Variants in ZFAT observed in about 807,000 individuals in gnomAD.
The protein encoded by ZFAT is zinc finger protein ZFAT.
A neutral mutation model predicts 117.7 loss-of-function variants in ZFAT; 64 were observed. The observed-to-expected ratio is 0.54, with a 90% confidence interval of 0.44 to 0.67. ZFAT has a LOEUF of 0.67. Among genes scored for constraint, ZFAT ranks in the 30% least tolerant of loss-of-function variants. The pLI, the probability that ZFAT is intolerant of heterozygous loss-of-function variation, is 0.00. For missense variants in ZFAT, 1,433 were observed against 1,584.5 expected, an observed-to-expected ratio of 0.90 and a Z score of 1.62; for synonymous variants, 679 against 615.0, an observed-to-expected ratio of 1.10 and a Z score of -1.54.
chr8:134,685,717 C>G (rs1311798658), intron 1 of ZFAT, among the ~76,000 whole-genome samples: 1 of 152,202 alleles, frequency 6.6e-6, no homozygotes, highest in Non-Finnish European at 1.5e-5. Flanking sequence ...AAGCAGAAAG[C>G]ACAGACCTTC....
chr8:134,816,937 T>C, the ZFAT span, among the ~76,000 whole-genome samples: 60,665 of 148,810 alleles, frequency 0.41, 13,353 homozygotes, highest in African/African-American at 0.57. Flanking sequence ...GCAGAGATCA[T>C]GCCACCGCAC....
chr8:134,548,153 T>C (rs1822839886), intron 11 of ZFAT, among the ~76,000 whole-genome samples: 2 of 152,218 alleles, frequency 1.3e-5, no homozygotes, highest in African/African-American at 4.8e-5. Context: ...ATTTACTCAT[T>C]TGTTCATTCA....
chr8:134,532,176 A>G (rs1331642032), intron 12 of ZFAT, among the ~76,000 whole-genome samples: 1 of 152,260 alleles, frequency 6.6e-6, no homozygotes. Context: ...ATAATTTAAA[A>G]TGAAGAGAGG....
intron 15 of ZFAT, among the ~76,000 whole-genome samples, chr8:134,504,705 A>G (rs571617319): frequency 3.9e-5 from 6 of 152,330 alleles, no homozygotes; most frequent in African/African-American, 1.4e-4. Context: ...ATAAGGCTAT[A>G]AACTGCTTGG....
chr8:134,830,686 T>C, the ZFAT span, among the ~76,000 whole-genome samples: 15 of 152,336 alleles, frequency 9.8e-5, no homozygotes, highest in African/African-American at 2.9e-4. Context: ...GAAGTTTTCT[T>C]AGATGAGATT....
chr8:134,663,048 T>C (rs1353706274), intron 1 of ZFAT, among the ~76,000 whole-genome samples: 1 of 152,240 alleles, frequency 6.6e-6, no homozygotes, highest in Non-Finnish European at 1.5e-5. Flanking sequence ...AATACTGCCA[T>C]GGCAAAGGGG....
chr8:134,669,361 G>A (rs1832431661), intron 1 of ZFAT, among the ~76,000 whole-genome samples: 1 of 152,136 alleles, frequency 6.6e-6, no homozygotes, highest in Non-Finnish European at 1.5e-5. Flanking sequence ...AGAAAAGTCG[G>A]GTTACCCACA....
chr8:134,600,940 C>T lies in ZFAT; in HGVS notation c.2243-272G>A, dbSNP rs1046687159. ...TGAGAACCAGTTATGGCTCCAAATA[C>T]CATGATGCACATGCATAAATCTACA... On this transcript the variant is annotated intron_variant, in intron 6 of 15. Transcript: ENST00000377838. Among the ~76,000 whole-genome samples the T allele has an allele frequency of 2.0e-5, 3 of 152,096 alleles. No individual in the cohort carries two copies. In the East Asian group the frequency reaches 5.8e-4, roughly 29 times the overall value.
At position 134,532,960 on chromosome 8, in the gene ZFAT, C is replaced by T. The variant is rs768503338; in HGVS notation, c.2989G>A (p.Ala997Thr). ...ATGTTGCAGGAGTAATGGCAATGGGCACAGCGGAAAGGCTGCGGGGACAAT... is the reference window on the plus strand; with the variant it reads ...ATGTTGCAGGAGTAATGGCAATGGGTACAGCGGAAAGGCTGCGGGGACAAT... ...QHVSFKPFRC[A>T]HCHYSCNISG... Residue 997 changes from alanine to threonine, a missense_variant, in exon 12 of 16, where the codon GCC becomes ACC. Around this residue, in one of 5 missense-constraint regions of ZFAT, gnomAD observed 503 missense variants for 543.4 expected, o/e 0.93. Transcript: ENST00000377838. 10 of 1,604,732 alleles carry T rather than the reference C, an allele frequency of 6.2e-6. No individual in the cohort carries two copies. The East Asian group carries it at 9.0e-5, about 14-fold the overall frequency.
chr8:134,494,308 C>T (rs1426076648), intron 15 of ZFAT, among the ~76,000 whole-genome samples: 1 of 152,236 alleles, frequency 6.6e-6, no homozygotes, highest in East Asian at 1.9e-4. Context: ...CAAAATCACC[C>T]CCGTGACCAT....
chr8:134,680,984 A>G (rs191486330), intron 1 of ZFAT, among the ~76,000 whole-genome samples: 134 of 152,386 alleles, frequency 8.8e-4, no homozygotes, highest in Admixed American at 8.7e-3. Flanking sequence ...TGTGGCAAAC[A>G]AAAAGACTCT....
intron 15 of ZFAT, among the ~76,000 whole-genome samples, chr8:134,500,054 G>A (rs904190913): frequency 7.2e-5 from 11 of 152,200 alleles, no homozygotes; most frequent in South Asian, 2.1e-4. Flanking sequence ...GGCCCGCAGC[G>A]CTCTCCTCCA....
At chr8:134,618,664 T>C (rs28548192) in intron 3 of ZFAT, among the ~76,000 whole-genome samples, 19 of 152,368 alleles carry the variant, frequency 1.2e-4, no homozygotes, top group Middle Eastern at 6.8e-3. Context: ...ATTCTCTTTA[T>C]GAGATGATTT....
intron 11 of ZFAT, among the ~76,000 whole-genome samples, chr8:134,550,620 G>A (rs537709823): frequency 1.3e-5 from 2 of 152,274 alleles, no homozygotes; most frequent in East Asian, 3.9e-4. Context: ...TGTCAAAAAT[G>A]CAGTATTTCC....
the ZFAT span, among the ~76,000 whole-genome samples, chr8:134,721,924 A>G: frequency 6.6e-6 from 1 of 152,198 alleles, no homozygotes; most frequent in Non-Finnish European, 1.5e-5. Flanking sequence ...AATTTAAAAA[A>G]CTGTCAGCAA....
At chr8:134,562,698 C>T (rs1189053060) in intron 11 of ZFAT, among the ~76,000 whole-genome samples, 2 of 152,210 alleles carry the variant, frequency 1.3e-5, no homozygotes, top group Non-Finnish European at 2.9e-5. Context: ...CAGCTCAGTG[C>T]AGCAGGTCCT....
Position 134,637,506 on chromosome 8 carries a change from T to C in ZFAT, c.403A>G (p.Ile135Val), listed in dbSNP as rs1459117048. 1.9e-6 allele frequency: 3 copies of C among 1,614,054 alleles called. No individual in the cohort carries two copies. In the South Asian group the frequency reaches 3.3e-5, roughly 18 times the overall value. Residue 135 changes from isoleucine to valine, a missense_variant, in exon 3 of 16, where the codon ATC becomes GTC. This residue lies in a region of ZFAT where 436 missense variants were observed against 482.0 expected (regional missense o/e 0.90). Coordinates refer to ENST00000377838, the MANE Select transcript of ZFAT (RefSeq NM_020863.4). ...FSNTRQLRKH[I>V]CIIVLNLGEE... ...CCCAAATTCAGCACGATAATGCAGATGTGCTTCCGCAGCTGGCGCGTGTTG... is the reference window on the plus strand; with the variant it reads ...CCCAAATTCAGCACGATAATGCAGACGTGCTTCCGCAGCTGGCGCGTGTTG...
At chr8:134,746,168 G>A in the ZFAT span, among the ~76,000 whole-genome samples, 1 of 152,158 alleles carries the variant, frequency 6.6e-6, no homozygotes, top group African/African-American at 2.4e-5. Flanking sequence ...TCAATGAAAA[G>A]AACCTCCTCC....
At chr8:134,500,318 C>T (rs2130262513) in intron 15 of ZFAT, among the ~76,000 whole-genome samples, 1 of 152,274 alleles carries the variant, frequency 6.6e-6, no homozygotes, top group South Asian at 2.1e-4. Context: ...TAGCACCAAC[C>T]AAGGCTGTAG....
Sources: gnomAD v4.1 joint callset for allele counts (sites outside exome capture counted in the v4.1 genomes callset) on GRCh38, gnomAD v4.1.1 for gene constraint, gnomAD v4.1.1 regional missense constraint, MANE v1.5 for transcripts, NCBI Gene and HGNC (gene_info 2026-07-23, HGNC 2026-07-21) for gene names.